RAPGEF1: variants seen among roughly 807,000 people sequenced by gnomAD.
RAPGEF1 encodes Rap guanine nucleotide exchange factor 1, also known as CRK SH3-binding GNRP.
RAPGEF1 carries 33 observed loss-of-function variants against 143.3 expected under a neutral mutation model. The observed-to-expected ratio is 0.23, with a 90% CI of 0.17 to 0.31. The LOEUF (loss-of-function observed/expected upper bound fraction) is 0.31, where lower values mean the gene tolerates loss of function less well. Ranked by LOEUF, RAPGEF1 falls within the 10% of genes least tolerant of loss-of-function variation. The probability of loss-of-function intolerance (pLI) is 1.00; values close to 1 mark genes in which losing one functional copy is unlikely to be tolerated. For missense variants in RAPGEF1, 1,199 were observed against 1,645.4 expected, an observed-to-expected ratio of 0.73 and a Z score of 4.69; for synonymous variants, 629 against 676.5, an observed-to-expected ratio of 0.93 and a Z score of 1.09.
Position 131,628,767 on chromosome 9 carries a change from C to T in RAPGEF1, c.894-95G>A. ...TACAGGATGTGGGGTTCTTTCATTACTAGACTCTCCACACCCAATGTTCAC... is the reference window on the plus strand; with the variant it reads ...TACAGGATGTGGGGTTCTTTCATTATTAGACTCTCCACACCCAATGTTCAC... On this transcript the variant is annotated intron_variant, in intron 7 of 26. Transcript: ENST00000683357. The surrounding 1 kb of genome is among the most constrained non-coding windows in gnomAD (Gnocchi z 5.7). 6.9e-7 allele frequency: 1 copy of T among 1,457,582 alleles called. No homozygotes were observed. Among genetic ancestry groups the T allele is most frequent in the Non-Finnish European group, 9.2e-7 (1 of 1,084,522 alleles). 90.3% of individuals were successfully genotyped at this position (1,457,582 alleles called of 1,614,324 possible).
At position 131,626,166 on chromosome 9, in the gene RAPGEF1, C is replaced by A. The variant is rs370599384; in HGVS notation, c.1458G>T (p.Ala486=). The A allele has an allele frequency of 6.2e-7, 1 of 1,613,832 alleles. No homozygotes were observed. Among genetic ancestry groups the A allele is most frequent in the Non-Finnish European group, 8.5e-7 (1 of 1,179,864 alleles). ...AGGACACCCTGCAGCCAGAGCCGTCCGCCGTCTGGGAGGCTGCGCTCCTGC... is the reference window on the plus strand; with the variant it reads ...AGGACACCCTGCAGCCAGAGCCGTCAGCCGTCTGGGAGGCTGCGCTCCTGC... The part of the protein sequence containing the change: ...KKRRSAASQT[A]DGSGCRVSYE... Residue 486 remains alanine, a synonymous_variant, in exon 10 of 27, where the codon GCG becomes GCT. Coordinates refer to ENST00000683357, the MANE Select transcript of RAPGEF1 (RefSeq NM_001377935.1).
intron 17 of RAPGEF1, among the ~76,000 whole-genome samples, 199 bp downstream of exon 17, chr9:131,596,099 T>A (rs534900491): frequency 6.6e-6 from 1 of 152,316 alleles, no homozygotes; most frequent in Admixed American, 6.5e-5. Flanking sequence ...GGAGGACAGA[T>A]GCCACGCACG....
rs1967858080 is a variant in RAPGEF1 at position 131,641,208 on chromosome 9, A to T, written c.494+2031T>A. On this transcript the variant is annotated intron_variant, in intron 4 of 26. Transcript: ENST00000683357. The surrounding 1 kb of genome is among the most constrained non-coding windows in gnomAD (Gnocchi z 4.6). Reference sequence around the variant, plus strand: ...CACTCTGGGTGTGAGGGTCCAGGGGACGCTATCCTGGACTCTCCCAAAGAG... The same window carrying T: ...CACTCTGGGTGTGAGGGTCCAGGGGTCGCTATCCTGGACTCTCCCAAAGAG... 6.6e-6 allele frequency among the ~76,000 whole-genome samples: 1 copy of T among 152,084 alleles called. No individual in the cohort carries two copies. The highest frequency in any genetic ancestry group is 6.5e-5 in the Admixed American group (1 of 15,268).
intron 1 of RAPGEF1, among the ~76,000 whole-genome samples, chr9:131,681,678 A>C (rs1832920771): frequency 6.6e-6 from 1 of 152,168 alleles, no homozygotes; most frequent in Admixed American, 6.5e-5. Flanking sequence ...CCTCGAATTA[A>C]TATAACTGCG....
intron 1 of RAPGEF1, among the ~76,000 whole-genome samples, chr9:131,678,050 G>C (rs1244156089): frequency 6.6e-6 from 1 of 152,214 alleles, no homozygotes; most frequent in Non-Finnish European, 1.5e-5. Flanking sequence ...TTTCTGCTTA[G>C]AATCGAGGTC....
chr9:131,662,506 T>C (rs1303790897), intron 1 of RAPGEF1, among the ~76,000 whole-genome samples: 1 of 152,034 alleles, frequency 6.6e-6, no homozygotes, highest in Admixed American at 6.6e-5. Context: ...GAGCTGGGAC[T>C]ACAGGCATGC....
intron 10 of RAPGEF1, among the ~76,000 whole-genome samples, chr9:131,622,514 G>C (rs139641509): frequency 7.7e-4 from 118 of 152,340 alleles, no homozygotes; most frequent in African/African-American, 2.8e-3. Flanking sequence ...CAGAGGTAGG[G>C]AGTTTATTTC....
At chr9:131,586,262 A>ACACACC (rs2132161849) in intron 22 of RAPGEF1, among the ~76,000 whole-genome samples, 1 of 133,434 alleles carries the variant, frequency 7.5e-6, no homozygotes, top group East Asian at 2.1e-4. Flanking sequence ...TCTCAAACAC[A>ACACACC]CACACACACA....
chr9:131,630,106 A>G (rs56798892), intron 6 of RAPGEF1, 130 bp downstream of exon 6: 18,330 of 730,310 alleles, frequency 0.025, 740 homozygotes, highest in Admixed American at 0.083. Context: ...ACTGCTAACC[A>G]CTGAAAAAGG....
chr9:131,717,237 T>A (rs2131255277), intron 1 of RAPGEF1, among the ~76,000 whole-genome samples: 1 of 152,318 alleles, frequency 6.6e-6, no homozygotes, highest in African/African-American at 2.4e-5. Context: ...TCACTGCTGA[T>A]GGCCCTCTGC....
chr9:131,616,366 G>A (rs542154310), intron 12 of RAPGEF1, among the ~76,000 whole-genome samples: 36 of 152,168 alleles, frequency 2.4e-4, no homozygotes, highest in African/African-American at 8.0e-4. Flanking sequence ...CTTCATGCCC[G>A]TCTTCCTCAG....
intron 5 of RAPGEF1, 82 bp from the exon 6 acceptor site, chr9:131,630,406 C>A: frequency 1.5e-6 from 2 of 1,345,916 alleles, no homozygotes; most frequent in Non-Finnish European, 1.1e-6. Context: ...TGCTGTCTGT[C>A]CTCTGCTGCT....
intron 1 of RAPGEF1, among the ~76,000 whole-genome samples, chr9:131,720,028 G>A (rs922410503): frequency 1.3e-5 from 2 of 152,188 alleles, no homozygotes; most frequent in African/African-American, 4.8e-5. Flanking sequence ...TGGGACTACA[G>A]GCATGGGCCA....
chr9:131,632,058 C>T (rs1965028083), intron 5 of RAPGEF1, among the ~76,000 whole-genome samples: 1 of 152,140 alleles, frequency 6.6e-6, no homozygotes, highest in African/African-American at 2.4e-5. Flanking sequence ...ACGGCTTGAG[C>T]CCAGGGGTTC....
chr9:131,620,552 G>A (rs981950814), intron 11 of RAPGEF1, among the ~76,000 whole-genome samples: 1 of 152,198 alleles, frequency 6.6e-6, no homozygotes, highest in African/African-American at 2.4e-5. Flanking sequence ...CAGGGCAGGT[G>A]AGGATCTGAG....
chr9:131,681,048 G>C (rs141790152), intron 1 of RAPGEF1, among the ~76,000 whole-genome samples: 48 of 152,250 alleles, frequency 3.2e-4, no homozygotes, highest in African/African-American at 1.1e-3. Flanking sequence ...GGACAAGTGT[G>C]GGGGTGTGGT....
Position 131,641,191 on chromosome 9 carries a change from G to C in RAPGEF1, c.494+2048C>G, listed in dbSNP as rs1398012789. Among the ~76,000 whole-genome samples the C allele has an allele frequency of 2.6e-5, 4 of 152,306 alleles. No homozygotes were observed. The highest frequency in any genetic ancestry group is 3.4e-3 in the Middle Eastern group (1 of 294). On this transcript the variant is annotated intron_variant, in intron 4 of 26. Transcript: ENST00000683357. The surrounding 1 kb of genome is among the most constrained non-coding windows in gnomAD (Gnocchi z 4.6). ...CACTTCTAGCAGCAATACACTCTGG[G>C]TGTGAGGGTCCAGGGGACGCTATCC...
intron 3 of RAPGEF1, among the ~76,000 whole-genome samples, chr9:131,649,692 A>G (rs1970597135): frequency 6.6e-6 from 1 of 152,196 alleles, no homozygotes; most frequent in Non-Finnish European, 1.5e-5. Context: ...CTCTGAGAGC[A>G]CTTGGTTATG....
intron 1 of RAPGEF1, among the ~76,000 whole-genome samples, chr9:131,714,921 G>A (rs11243484): frequency 7.6e-4 from 116 of 152,060 alleles, no homozygotes; most frequent in Non-Finnish European, 1.4e-3. Flanking sequence ...TTGGTTGCCA[G>A]GCTGGTCTCA....
Sources: gnomAD v4.1 joint callset for allele counts (sites outside exome capture counted in the v4.1 genomes callset) on GRCh38, gnomAD v4.1.1 for gene constraint, Gnocchi (gnomAD v3.1) non-coding constraint, MANE v1.5 for transcripts, NCBI Gene and HGNC (gene_info 2026-07-23, HGNC 2026-07-21) for gene names.